Variants in PRKG1 observed in about 807,000 individuals in gnomAD.
The protein encoded by PRKG1 is cGMP-dependent protein kinase 1.
A neutral mutation model predicts 88.1 loss-of-function variants in PRKG1; 35 were observed. The ratio of observed to expected loss-of-function variants is 0.40; its 90% CI spans 0.30 to 0.53. The LOEUF is 0.53. Ranked by LOEUF, PRKG1 falls within the 20% of genes least tolerant of loss-of-function variation. The probability of loss-of-function intolerance (pLI) is 0.59; values close to 1 mark genes in which losing one functional copy is unlikely to be tolerated. For synonymous variants in PRKG1, 303 were observed against 292.5 expected, an observed-to-expected ratio of 1.04 and a Z score of -0.37; for missense variants, 540 against 839.8, an observed-to-expected ratio of 0.64 and a Z score of 4.41.
intron 3 of PRKG1, among the ~76,000 whole-genome samples, chr10:51,656,815 G>C (rs1405097406): frequency 6.6e-6 from 1 of 152,024 alleles, no homozygotes; most frequent in Admixed American, 6.6e-5. Context: ...TTTTCAACAG[G>C]ACTCCTTATC....
chr10:51,232,764 C>T (rs866443362), intron 2 of PRKG1, among the ~76,000 whole-genome samples: 2 of 152,154 alleles, frequency 1.3e-5, no homozygotes, highest in African/African-American at 4.8e-5. Context: ...CTGTGCTAGA[C>T]ACGTTTCTTT....
chr10:52,086,358 C>G (rs1328347527), intron 7 of PRKG1, among the ~76,000 whole-genome samples: 1 of 150,456 alleles, frequency 6.6e-6, no homozygotes, highest in African/African-American at 2.4e-5. Context: ...CTTTTTTGAA[C>G]TTTATTTTTC....
intron 4 of PRKG1, among the ~76,000 whole-genome samples, chr10:51,846,852 G>A (rs1442074665): frequency 1.3e-5 from 2 of 152,056 alleles, no homozygotes; most frequent in Admixed American, 6.6e-5. Context: ...TTTGATCCTC[G>A]AATGGGAATA....
intron 1 of PRKG1, among the ~76,000 whole-genome samples, chr10:50,992,613 G>C (rs2816836): frequency 0.87 from 132,939 of 152,084 alleles, 58,210 homozygotes; most frequent in East Asian, 0.94. Context: ...CACTTTAAGA[G>C]ACAAATCCTG....
intron 2 of PRKG1, among the ~76,000 whole-genome samples, chr10:51,229,958 AAAAG>A (rs1241470513): frequency 1.3e-5 from 2 of 151,576 alleles, no homozygotes; most frequent in Non-Finnish European, 2.9e-5. Context: ...AGAAAAAGAA[AAAAG>A]AAAGAAAAAG....
chr10:51,310,215 A>G (rs554521207), intron 2 of PRKG1, among the ~76,000 whole-genome samples: 1 of 152,302 alleles, frequency 6.6e-6, no homozygotes, highest in South Asian at 2.1e-4. Context: ...CTATATAACA[A>G]AATTATACTT....
At chr10:51,320,009 G>T (rs1241130557) in intron 2 of PRKG1, 5 of 211,588 alleles carry the variant, frequency 2.4e-5, no homozygotes, top group South Asian at 1.0e-4. Flanking sequence ...AAACACAGCA[G>T]AACTGAAGAA....
chr10:51,790,489 G>A (rs953352634), intron 3 of PRKG1, among the ~76,000 whole-genome samples: 11 of 152,152 alleles, frequency 7.2e-5, no homozygotes, highest in African/African-American at 2.7e-4. Context: ...AATAATGGAA[G>A]CTTAAATTAA....
intron 4 of PRKG1, among the ~76,000 whole-genome samples, chr10:51,886,258 T>C (rs1841566067): frequency 1.3e-5 from 2 of 152,148 alleles, no homozygotes; most frequent in South Asian, 2.1e-4. Context: ...GAACCAAAAA[T>C]TTATTTTCAA....
At chr10:52,106,830 GAC>G (rs1465249481) in intron 7 of PRKG1, among the ~76,000 whole-genome samples, 1 of 151,644 alleles carries the variant, frequency 6.6e-6, no homozygotes, top group Non-Finnish European at 1.5e-5. Context: ...AAATTGTAAT[GAC>G]ACATAATGAG....
chr10:51,897,816 G>T (rs757544631), intron 4 of PRKG1, among the ~76,000 whole-genome samples: 15 of 151,894 alleles, frequency 9.9e-5, no homozygotes, highest in African/African-American at 1.7e-4. Context: ...TGGTCTACCA[G>T]CATCCCCTTT....
intron 14 of PRKG1, among the ~76,000 whole-genome samples, chr10:52,288,112 T>C (rs1589761266): frequency 6.6e-6 from 1 of 152,142 alleles, no homozygotes; most frequent in East Asian, 1.9e-4. Context: ...ATATAGGTTA[T>C]GTAATTGGTT....
At chr10:51,122,914 C>A (rs1294500336) in intron 1 of PRKG1, among the ~76,000 whole-genome samples, 1 of 152,172 alleles carries the variant, frequency 6.6e-6, no homozygotes, top group Non-Finnish European at 1.5e-5. Context: ...CTTCCTATAG[C>A]CTGCCCTATC....
chr10:51,440,720 T>G (rs1839078084), intron 2 of PRKG1, among the ~76,000 whole-genome samples: 1 of 151,952 alleles, frequency 6.6e-6, no homozygotes, highest in African/African-American at 2.4e-5. Flanking sequence ...ATCATCATCG[T>G]GTTTGTCAAT....
chr10:51,893,816 G>C (rs973060478), intron 4 of PRKG1, among the ~76,000 whole-genome samples: 2 of 152,122 alleles, frequency 1.3e-5, no homozygotes, highest in African/African-American at 4.8e-5. Flanking sequence ...CTTGCCTGTA[G>C]TTACACAGCT....
chr10:51,344,509 T>C (rs2132552761), intron 2 of PRKG1, among the ~76,000 whole-genome samples: 1 of 152,322 alleles, frequency 6.6e-6, no homozygotes, highest in South Asian at 2.1e-4. Context: ...ATATACAAGG[T>C]AAACCTCCTC....
intron 5 of PRKG1, among the ~76,000 whole-genome samples, chr10:51,992,086 G>A (rs1368888479): frequency 6.6e-6 from 1 of 152,068 alleles, no homozygotes; most frequent in Non-Finnish European, 1.5e-5. Context: ...AATTCTATCT[G>A]TTTTAATTTA....
At chr10:51,912,166 C>T (rs1842232757) in intron 5 of PRKG1, among the ~76,000 whole-genome samples, 1 of 152,146 alleles carries the variant, frequency 6.6e-6, no homozygotes, top group Non-Finnish European at 1.5e-5. Context: ...AGAGCAGACA[C>T]ACCATTTTAA....
At chr10:51,948,511 C>G (rs1843107396) in intron 5 of PRKG1, among the ~76,000 whole-genome samples, 1 of 139,934 alleles carries the variant, frequency 7.1e-6, no homozygotes, top group Admixed American at 7.3e-5. Flanking sequence ...TTTCATGAAA[C>G]TTGTGTGTGT....
Sources: gnomAD v4.1 joint callset for allele counts (sites outside exome capture counted in the v4.1 genomes callset) on GRCh38, gnomAD v4.1.1 for gene constraint, MANE v1.5 for transcripts, NCBI Gene and HGNC (gene_info 2026-07-23, HGNC 2026-07-21) for gene names.